Variants in CCDC80 observed in about 807,000 individuals in gnomAD.
The protein encoded by CCDC80 is coiled-coil domain-containing protein 80.
Under a neutral mutation model 78.7 loss-of-function variants are expected in CCDC80, and 49 were observed. The observed-to-expected ratio is 0.62, with a 90% CI of 0.50 to 0.79. CCDC80 has a LOEUF of 0.79. CCDC80 is among the 30% of genes least tolerant of loss of function. The probability of loss-of-function intolerance (pLI) is 0.00; values close to 1 mark genes in which losing one functional copy is unlikely to be tolerated. For synonymous variants in CCDC80, 488 were observed against 447.0 expected (o/e 1.09, Z -1.16); for missense variants, 1,205 against 1,198.6 (o/e 1.01, Z -0.08).
chr3:112,634,792 C>G (rs1936172160), intron 2 of CCDC80, among the ~76,000 whole-genome samples: 1 of 152,140 alleles, frequency 6.6e-6, no homozygotes, highest in African/African-American at 2.4e-5. Context: ...AGTTCATACC[C>G]AAAAGAATTC....
At chr3:112,611,843 C>T (rs192727431) in intron 5 of CCDC80, among the ~76,000 whole-genome samples, 1 of 152,294 alleles carries the variant, frequency 6.6e-6, no homozygotes, top group East Asian at 1.9e-4. Context: ...TTATTCATGG[C>T]TTTGATCCCT....
Position 112,639,019 on chromosome 3 carries a change from T to C in CCDC80, c.887A>G (p.Asp296Gly). 2 of 1,611,142 alleles carry C rather than the reference T, an allele frequency of 1.2e-6. No individual in the cohort carries two copies. Among genetic ancestry groups the C allele is most frequent in the Non-Finnish European group, 8.5e-7 (1 of 1,179,984 alleles). ...VEGQVVAEGNDGGGGAGRPSL... is the reference protein window; with the variant it reads ...VEGQVVAEGNGGGGGAGRPSL... ...TGGCCTTCCTGCTCCCCCTCCACCG[T>C]CATTCCCCTCCGCCACCACCTGGCC... Residue 296 changes from aspartate (D) to glycine (G), a missense_variant, in exon 2 of 8, where the codon GAC becomes GGC. Asp to Gly is a moderately conservative substitution (Grantham distance 94). Coordinates refer to ENST00000206423, the MANE Select transcript of CCDC80 (RefSeq NM_199511.3).
At chr3:112,611,099 G>A (rs1374477098) in intron 5 of CCDC80, among the ~76,000 whole-genome samples, 1 of 151,948 alleles carries the variant, frequency 6.6e-6, no homozygotes, top group East Asian at 1.9e-4. Context: ...ATATTTAGTA[G>A]AGACGGGGTT....
Position 112,602,011 on chromosome 3 carries a change from G to C in CCDC80, c.*3406C>G, listed in dbSNP as rs1254100014. On this transcript the variant is annotated 3_prime_UTR_variant, in exon 8 of 8. Coordinates refer to ENST00000206423, the MANE Select transcript of CCDC80 (RefSeq NM_199511.3). Reference sequence around the variant, plus strand: ...TGCATTTTTTACAAATTGAAGGTTTGTGGCAACCCTGCATCAAGGAAGTCT... The same window carrying C: ...TGCATTTTTTACAAATTGAAGGTTTCTGGCAACCCTGCATCAAGGAAGTCT... 6.6e-6 allele frequency: 1 copy of C among 152,068 alleles called. No homozygotes were observed. 9.4% of individuals were successfully genotyped at this position (152,068 alleles called of 1,614,324 possible). A position where few individuals can be genotyped will look rare whatever the true frequency, so the allele number is the denominator to read the frequency against.
rs191458711 is a variant in CCDC80 at position 112,639,386 on chromosome 3, C to T, written c.520G>A (p.Asp174Asn). The T allele has an allele frequency of 1.1e-5, 17 of 1,614,086 alleles. No individual in the cohort carries two copies. Among genetic ancestry groups the T allele is most frequent in the African/African-American group, 1.3e-5 (1 of 74,906 alleles). ...YRLMMSLLKD[D>N]VYCELAERHI... is the part of the protein sequence containing the mutation. ...CTCTCCGCCAGCTCACAGTACACAT[C>T]GTCCTTCAGCAGGCTCATCATGAGG... The change falls in exon 2 of 8, where the codon GAT becomes AAT. Residue 174 changes from aspartate to asparagine, a missense_variant. Physicochemically the swap from Asp to Asn is conservative, Grantham distance 23. Coordinates refer to ENST00000206423, the MANE Select transcript of CCDC80 (RefSeq NM_199511.3).
rs116526922 is a variant in CCDC80 at position 112,611,501 on chromosome 3, G to A, written c.2322-1420C>T. 5.5e-3 allele frequency among the ~76,000 whole-genome samples: 831 copies of A among 152,226 alleles called. 11 individuals carry two copies. The highest frequency in any genetic ancestry group is 0.018 in the African/African-American group (749 of 41,536). On this transcript the variant is annotated intron_variant, in intron 5 of 7. Transcript: ENST00000206423. Reference sequence around the variant, plus strand: ...CTTCATTAGAGCTCAGTGAGGCTGCGGATTATTTTCCCCATTATGCAGATA... The same window carrying A: ...CTTCATTAGAGCTCAGTGAGGCTGCAGATTATTTTCCCCATTATGCAGATA...
In CCDC80 at chr3:112,619,013, G is replaced by A. The variant is rs1935809638; in HGVS notation, c.2127C>T (p.Tyr709=). The part of the protein sequence containing the change: ...SELRKEYGMT[Y]NDFFMVLTDV... Reference sequence around the variant, plus strand: ...CTGTTAGCACCATGAAGAAGTCATTGTAGGTCATTCCGTACTCTTTCCTCA... The same window carrying A: ...CTGTTAGCACCATGAAGAAGTCATTATAGGTCATTCCGTACTCTTTCCTCA... The change falls in exon 4 of 8, where the codon TAC becomes TAT. Residue 709 remains tyrosine, a synonymous_variant. Coordinates refer to ENST00000206423, the MANE Select transcript of CCDC80 (RefSeq NM_199511.3). The A allele has an allele frequency of 6.2e-7, 1 of 1,613,548 alleles. No individual in the cohort carries two copies. The highest frequency in any genetic ancestry group is 1.1e-5 in the South Asian group (1 of 90,952).
In CCDC80 at chr3:112,638,471, T is replaced by C. The variant is rs928811113; in HGVS notation, c.1435A>G (p.Asn479Asp). ...GGCTTGGGAGGACCTGGCACCACATTTGGGTCTCGGTGGCCATGTTCCCGC... is the reference window on the plus strand; with the variant it reads ...GGCTTGGGAGGACCTGGCACCACATCTGGGTCTCGGTGGCCATGTTCCCGC... ...DRREHGHRDP[N>D]VVPGPPKPAK... The change falls in exon 2 of 8, where the codon AAT becomes GAT. Residue 479 changes from asparagine (N) to aspartate (D), a missense_variant. Physicochemically the swap from Asn to Asp is conservative, Grantham distance 23. Coordinates refer to ENST00000206423, the MANE Select transcript of CCDC80 (RefSeq NM_199511.3). 2 of 1,613,706 alleles carry C rather than the reference T, an allele frequency of 1.2e-6. No individual in the cohort carries two copies. The highest frequency in any genetic ancestry group is 1.7e-6 in the Non-Finnish European group (2 of 1,179,944).
intron 5 of CCDC80, among the ~76,000 whole-genome samples, chr3:112,613,250 T>C (rs1935667303): frequency 6.6e-6 from 1 of 152,174 alleles, no homozygotes; most frequent in Non-Finnish European, 1.5e-5. Flanking sequence ...TCCACTTTAA[T>C]CCTTCAAATA....
rs200258226 is a variant in CCDC80 at position 112,638,924 on chromosome 3, C to T, written c.982G>A (p.Val328Met). The T allele has an allele frequency of 1.9e-4, 307 of 1,613,292 alleles. 2 individuals carry two copies. Among genetic ancestry groups the T allele is most frequent in the South Asian group, 1.7e-3 (152 of 91,072 alleles). Residue 328 changes from valine to methionine, a missense_variant, in exon 2 of 8, where the codon GTG becomes ATG. Coordinates refer to ENST00000206423, the MANE Select transcript of CCDC80 (RefSeq NM_199511.3). Reference protein sequence around the residue: ...AQVPPTRESRVKVLRKLAATA... With the variant: ...AQVPPTRESRMKVLRKLAATA... Reference sequence around the variant, plus strand: ...GCGGCCAGTTTTCTCAGGACCTTCACCCGACTCTCTCTGGTTGGTGGGACT... The same window carrying T: ...GCGGCCAGTTTTCTCAGGACCTTCATCCGACTCTCTCTGGTTGGTGGGACT...
At position 112,619,042 on chromosome 3, in the gene CCDC80, C is replaced by T. The variant is rs778769311; in HGVS notation, c.2098G>A (p.Glu700Lys). 12 of 1,610,896 alleles carry T rather than the reference C, an allele frequency of 7.4e-6. No homozygotes were observed. Among genetic ancestry groups the T allele is most frequent in the Middle Eastern group, 1.7e-4 (1 of 6,060 alleles). Residue 700 changes from glutamate (E) to lysine (K), a missense_variant, in exon 4 of 8, where the codon GAG becomes AAG. Coordinates refer to ENST00000206423, the MANE Select transcript of CCDC80 (RefSeq NM_199511.3). ...GTCATTCCGTACTCTTTCCTCAGCT[C>T]GCTGATGAGACGCTGGTCTACCAAG... ...EDLVDQRLIS[E>K]LRKEYGMTYN...
chr3:112,605,903 G>GT (rs944390570), intron 7 of CCDC80, 140 bp from the exon 8 acceptor site: 1 of 710,850 alleles, frequency 1.4e-6, no homozygotes, highest in Non-Finnish European at 2.3e-6. Context: ...AATTAAAGAA[G>GT]TTTGCTGGGG....
intron 3 of CCDC80, among the ~76,000 whole-genome samples, chr3:112,627,588 AG>A (rs1936002705): frequency 2.0e-5 from 3 of 152,236 alleles, no homozygotes; most frequent in South Asian, 4.1e-4. Flanking sequence ...GCCATCTGAT[AG>A]ATTTCCAGCT....
rs59366104 is a variant in CCDC80 at position 112,616,449 on chromosome 3, G to GAAAAAAAAAAAAAAAAAAAA, written c.2321+260_2321+261insTTTTTTTTTTTTTTTTTTTT. Among the ~76,000 whole-genome samples, 4 of 133,650 alleles carry GAAAAAAAAAAAAAAAAAAAA rather than the reference G, an allele frequency of 3.0e-5. 1 individual carries two copies. Among genetic ancestry groups the GAAAAAAAAAAAAAAAAAAAA allele is most frequent in the African/African-American group, 5.5e-5 (2 of 36,450 alleles). The allele number at this position is 133,650 out of a possible 152,430, so 87.7% of individuals were successfully genotyped here. ...CAAAGAAAGAGAAAAAAAAAGAAAA[G>GAAAAAAAAAAAAAAAAAAAA]AAAAAAAAAAAAACAGAGAAAAGAC... On this transcript the variant is annotated intron_variant, in intron 5 of 7. Coordinates refer to ENST00000206423, the MANE Select transcript of CCDC80 (RefSeq NM_199511.3).
In CCDC80 at chr3:112,603,365, A is replaced by T. The variant is rs1935408984; in HGVS notation, c.*2052T>A. 1 of 151,752 alleles carries T rather than the reference A, an allele frequency of 6.6e-6. No homozygotes were observed. Among genetic ancestry groups the T allele is most frequent in the Non-Finnish European group, 1.5e-5 (1 of 67,934 alleles). 9.4% of individuals were successfully genotyped at this position (151,752 alleles called of 1,614,324 possible). Reference sequence around the variant, plus strand: ...CCCCATCTCTACTAAAAATACAAAAATAAGCTGGGTGTAGTGGTGGGCGCC... The same window carrying T: ...CCCCATCTCTACTAAAAATACAAAATTAAGCTGGGTGTAGTGGTGGGCGCC... On this transcript the variant is annotated 3_prime_UTR_variant, in exon 8 of 8. Coordinates refer to ENST00000206423, the MANE Select transcript of CCDC80 (RefSeq NM_199511.3).
intron 4 of CCDC80, among the ~76,000 whole-genome samples, chr3:112,617,917 C>T (rs911741006): frequency 2.0e-5 from 3 of 152,086 alleles, no homozygotes; most frequent in Non-Finnish European, 2.9e-5. Flanking sequence ...GCCAGTATGC[C>T]AAAATTGTTA....
At position 112,600,741 on chromosome 3, in the gene CCDC80, CG is replaced by C. The variant is rs543998318; in HGVS notation, c.*4675del. 60 of 152,340 alleles carry C rather than the reference CG, an allele frequency of 3.9e-4. No homozygotes were observed. The highest frequency in any genetic ancestry group is 1.4e-3 in the African/African-American group (57 of 41,510). The allele number at this position is 152,340 out of a possible 1,614,324, so 9.4% of individuals were successfully genotyped here. A position where few individuals can be genotyped will look rare whatever the true frequency, so the allele number is the denominator to read the frequency against. ...CTGGTCTCGAAGTCCTGGGCTCAAG[CG>C]ACCCGCTCACCTTGGCCTCCCAAAG... On this transcript the variant is annotated 3_prime_UTR_variant, in exon 8 of 8. Transcript: ENST00000206423.
In CCDC80 at chr3:112,639,757, C is replaced by A. The variant is rs375544364; in HGVS notation, c.149G>T (p.Arg50Leu). 2 of 1,613,956 alleles carry A rather than the reference C, an allele frequency of 1.2e-6. No homozygotes were observed. The highest frequency in any genetic ancestry group is 1.7e-5 in the Admixed American group (1 of 60,004). ...AGACCTCCCAGTGTGCCTCAGAAAC[C>A]GAGCTGGCCTACTGCTGTCCGGAGA... is the stretch of plus-strand genomic sequence containing the variant. ...LVSPDSSRPA[R>L]FLRHTGRSRG... Residue 50 changes from arginine to leucine, a missense_variant, in exon 2 of 8, where the codon CGG becomes CTG. Arg to Leu is a moderately radical substitution (Grantham distance 102, BLOSUM62 -2). Coordinates refer to ENST00000206423, the MANE Select transcript of CCDC80 (RefSeq NM_199511.3).
At chr3:112,630,043 C>T (rs1936064776) in intron 3 of CCDC80, 70 bp downstream of exon 3, 2 of 1,439,798 alleles carry the variant, frequency 1.4e-6, no homozygotes, top group Admixed American at 3.4e-5. Flanking sequence ...CCCCATGTAC[C>T]TCTACCATAA....
Sources: allele counts gnomAD v4.1 joint callset (sites outside exome capture counted in the v4.1 genomes callset), GRCh38; gene constraint gnomAD v4.1.1; transcripts MANE v1.5; gene names NCBI Gene and HGNC (gene_info 2026-07-23, HGNC 2026-07-21).